The following MRPS31 variants were observed in gnomAD, a reference collection of about 807,000 sequenced individuals.
MRPS31 encodes small ribosomal subunit protein mS31.
MRPS31 carries 32 observed loss-of-function variants against 43.1 expected under a neutral mutation model. The ratio of observed to expected loss-of-function variants is 0.74; its 90% CI spans 0.56 to 1.00. MRPS31 has a LOEUF of 1.00. Ranked by LOEUF, MRPS31 falls within the 50% of genes least tolerant of loss-of-function variation. The pLI is 0.00. For missense variants in MRPS31, 437 were observed against 466.7 expected (o/e 0.94, Z 0.59); for synonymous variants, 165 against 161.6 (o/e 1.02, Z -0.16).
intron 6 of MRPS31, among the ~76,000 whole-genome samples, chr13:40,740,916 C>A: frequency 6.7e-6 from 1 of 148,152 alleles, no homozygotes; most frequent in Non-Finnish European, 1.5e-5. Flanking sequence ...TGCACATGTA[C>A]CCTAAAACTT....
At chr13:40,744,222 T>G (rs1880178329) in intron 6 of MRPS31, among the ~76,000 whole-genome samples, 1 of 152,092 alleles carries the variant, frequency 6.6e-6, no homozygotes, top group Admixed American at 6.5e-5. Context: ...GGGAGGAGAA[T>G]GAAGATTGGG....
intron 6 of MRPS31, among the ~76,000 whole-genome samples, chr13:40,734,823 G>A (rs972974153): frequency 6.6e-6 from 1 of 152,102 alleles, no homozygotes; most frequent in Non-Finnish European, 1.5e-5. Context: ...TTGAGCCCAG[G>A]AATTCGAGGT....
At chr13:40,751,392 A>C (rs1880386728) in intron 5 of MRPS31, among the ~76,000 whole-genome samples, 1 of 152,192 alleles carries the variant, frequency 6.6e-6, no homozygotes, top group Non-Finnish European at 1.5e-5. Flanking sequence ...TACCTCACTT[A>C]ATCTTTGAGA....
At chr13:40,730,850 G>A (rs1879670576) in intron 6 of MRPS31, 1 of 152,038 alleles carries the variant, frequency 6.6e-6, no homozygotes. Flanking sequence ...GTGAACTACT[G>A]CGTCCGGCCG....
intron 1 of MRPS31, among the ~76,000 whole-genome samples, chr13:40,767,721 A>G (rs1174883741): frequency 6.6e-6 from 1 of 152,224 alleles, no homozygotes; most frequent in Non-Finnish European, 1.5e-5. Context: ...GTAGAAAAAC[A>G]CTGACATGGT....
chr13:40,756,419 T>G (rs923029321), intron 4 of MRPS31, among the ~76,000 whole-genome samples: 1 of 152,254 alleles, frequency 6.6e-6, no homozygotes, highest in East Asian at 1.9e-4. Context: ...TAAACTTTTT[T>G]CCTCCTGCCT....
intron 6 of MRPS31, among the ~76,000 whole-genome samples, chr13:40,747,444 T>TA (rs1317459866): frequency 6.6e-6 from 1 of 152,234 alleles, no homozygotes; most frequent in Non-Finnish European, 1.5e-5. Flanking sequence ...ACAGGGCTGC[T>TA]ACTCAGGTTT....
chr13:40,740,022 ATTTTC>A (rs1451805430), intron 6 of MRPS31, among the ~76,000 whole-genome samples: 1 of 149,452 alleles, frequency 6.7e-6, no homozygotes, highest in East Asian at 2.0e-4. Context: ...ATGGGAGAAA[ATTTTC>A]GCAACCTACT....
At chr13:40,762,047 G>C in intron 2 of MRPS31, among the ~76,000 whole-genome samples, 1 of 151,786 alleles carries the variant, frequency 6.6e-6, no homozygotes, top group Non-Finnish European at 1.5e-5. Context: ...TTCATGACCA[G>C]CCTGGACAAC....
chr13:40,770,735 C>A, intron 1 of MRPS31: 2 of 460,488 alleles, frequency 4.3e-6, no homozygotes, highest in South Asian at 2.3e-5. Context: ...AGATAAAAAC[C>A]TGGGTAAACT....
At chr13:40,741,149 AAC>A (rs1408404847) in intron 6 of MRPS31, among the ~76,000 whole-genome samples, 3 of 151,948 alleles carry the variant, frequency 2.0e-5, no homozygotes, top group African/African-American at 4.8e-5. Context: ...TAAAAAATAA[AAC>A]ACAGCTAAAA....
intron 1 of MRPS31, among the ~76,000 whole-genome samples, chr13:40,770,365 CCTT>C (rs1469238635): frequency 8.5e-5 from 13 of 152,194 alleles, no homozygotes; most frequent in Non-Finnish European, 5.9e-5. Context: ...GCCACAATTC[CCTT>C]TTTTCCTGGC....
At chr13:40,767,445 C>T (rs1293328382) in intron 1 of MRPS31, among the ~76,000 whole-genome samples, 7 of 152,246 alleles carry the variant, frequency 4.6e-5, no homozygotes, top group African/African-American at 1.7e-4. Flanking sequence ...CTACATGTCT[C>T]ATCTTGTGAA....
chr13:40,738,391 T>C (rs1257684240), intron 6 of MRPS31, among the ~76,000 whole-genome samples: 9 of 152,018 alleles, frequency 5.9e-5, no homozygotes, highest in African/African-American at 1.2e-4. Flanking sequence ...CCTTCTGAAA[T>C]TATTCCAATC....
chr13:40,760,210 G>GAA lies in MRPS31; in HGVS notation c.441-1106_441-1105dup, dbSNP rs112644725. ...AGAACAGGGAACACTAATCTGAGGT[G>GAA]AAAAAAAAATCAAAACAGCAATTGC... On this transcript the variant is annotated intron_variant, in intron 2 of 6. Coordinates refer to ENST00000323563, the MANE Select transcript of MRPS31 (RefSeq NM_005830.4). Among the ~76,000 whole-genome samples, 95 of 148,920 alleles carry GAA rather than the reference G, an allele frequency of 6.4e-4. No individual in the cohort carries two copies. In the Middle Eastern group the frequency reaches 0.01, roughly 16 times the overall value.
At chr13:40,763,523 G>A (rs1880760035) in intron 2 of MRPS31, among the ~76,000 whole-genome samples, 1 of 152,118 alleles carries the variant, frequency 6.6e-6, no homozygotes, top group African/African-American at 2.4e-5. Context: ...TGCAATCTAT[G>A]AATTAGGGGT....
At chr13:40,749,008 T>G in intron 6 of MRPS31, 130 bp downstream of exon 6, 1 of 849,754 alleles carries the variant, frequency 1.2e-6, no homozygotes, top group Non-Finnish European at 1.7e-6. Flanking sequence ...GTCAGATTTA[T>G]TTTAGGACAC....
chr13:40,744,206 G>T (rs186868722), intron 6 of MRPS31, among the ~76,000 whole-genome samples: 1 of 152,312 alleles, frequency 6.6e-6, no homozygotes, highest in South Asian at 2.1e-4. Flanking sequence ...TTTGAGGGTG[G>T]AGGGTGGGAG....
intron 3 of MRPS31, 44 bp downstream of exon 3, chr13:40,758,904 T>C: frequency 1.4e-6 from 2 of 1,462,850 alleles, no homozygotes; most frequent in Non-Finnish European, 1.8e-6. Context: ...AATGGCCCAT[T>C]TTGAGATATA....
Sources: gnomAD v4.1 joint callset for allele counts (sites outside exome capture counted in the v4.1 genomes callset) on GRCh38, gnomAD v4.1.1 for gene constraint, MANE v1.5 for transcripts, NCBI Gene and HGNC (gene_info 2026-07-23, HGNC 2026-07-21) for gene names.